TPR: variants seen among roughly 807,000 people sequenced by gnomAD.
The protein encoded by TPR is translocated promoter region, nuclear basket protein.
TPR carries 51 observed loss-of-function variants against 316.1 expected under a neutral mutation model. That is an observed-to-expected ratio of 0.16 (90% CI 0.13 to 0.20). The LOEUF is 0.20. Ranked by LOEUF, TPR falls within the 10% of genes least tolerant of loss-of-function variation. The probability of loss-of-function intolerance (pLI) is 1.00; values close to 1 mark genes in which losing one functional copy is unlikely to be tolerated. For missense variants in TPR, 2,272 were observed against 2,754.8 expected (o/e 0.82, Z 3.92); for synonymous variants, 981 against 914.7 (o/e 1.07, Z -1.31).
At position 186,347,258 on chromosome 1, in the gene TPR, T is replaced by C. The variant is rs749324014; in HGVS notation, c.2943+34A>G. The C allele has an allele frequency of 2.7e-5, 43 of 1,591,830 alleles. No individual in the cohort carries two copies. The East Asian group carries it at 7.6e-4, about 28-fold the overall frequency. On this transcript the variant is annotated intron_variant, in intron 22 of 50. Coordinates refer to ENST00000367478, the MANE Select transcript of TPR (RefSeq NM_003292.3). ...CTAAAAACAAAGTTAACAAATGTGTTGAGATTGAATTCTGAATTCAGAATT... is the reference window on the plus strand; with the variant it reads ...CTAAAAACAAAGTTAACAAATGTGTCGAGATTGAATTCTGAATTCAGAATT...
chr1:186,322,667 T>C, intron 43 of TPR, 81 bp from the exon 44 acceptor site: 1 of 1,373,030 alleles, frequency 7.3e-7, no homozygotes, highest in Non-Finnish European at 1.0e-6. Flanking sequence ...CAGATACAGC[T>C]TATTACGCTG....
rs771369688 is a variant in TPR at position 186,314,621 on chromosome 1, A to C, written c.7036+8T>G. ...CTATCATGTAATCCAGTTATGTCAG[A>C]AATTCACCTCTCTGTCTGTTAAACT... On this transcript the variant is annotated splice_region_variant and intron_variant, in intron 50 of 50. Coordinates refer to ENST00000367478, the MANE Select transcript of TPR (RefSeq NM_003292.3). 1.4e-5 allele frequency: 22 copies of C among 1,600,652 alleles called. No individual in the cohort carries two copies. The highest frequency in any genetic ancestry group is 1.7e-5 in the Admixed American group (1 of 58,194).
chr1:186,354,762 A>G (rs1244165919), intron 17 of TPR, among the ~76,000 whole-genome samples: 1 of 152,192 alleles, frequency 6.6e-6, no homozygotes, highest in Non-Finnish European at 1.5e-5. Flanking sequence ...TACCTAGAAT[A>G]GAAAAGGTGG....
chr1:186,342,290 T>C (rs1203215324), intron 27 of TPR: 2 of 152,048 alleles, frequency 1.3e-5, no homozygotes, highest in Non-Finnish European at 2.9e-5. Context: ...TTATTTTTTA[T>C]ATAATCTATG....
intron 15 of TPR, 145 bp downstream of exon 15, chr1:186,356,138 TTAC>T (rs2101979998): frequency 1.5e-6 from 1 of 678,148 alleles, no homozygotes; most frequent in Non-Finnish European, 2.3e-6. Flanking sequence ...ATGGTATGTT[TTAC>T]AGTTGATGGG....
At chr1:186,345,764 G>GC in intron 23 of TPR, 68 bp from the exon 24 acceptor site, 1 of 1,127,060 alleles carries the variant, frequency 8.9e-7, no homozygotes, top group Non-Finnish European at 1.3e-6. Flanking sequence ...CTGTATTGTA[G>GC]TGTTACTAAA....
At chr1:186,358,100 T>G (rs1659081850) in intron 13 of TPR, among the ~76,000 whole-genome samples, 1 of 152,180 alleles carries the variant, frequency 6.6e-6, no homozygotes, top group African/African-American at 2.4e-5. Context: ...ATTTATTGAT[T>G]TGCTTGTTAA....
intron 1 of TPR, among the ~76,000 whole-genome samples, chr1:186,373,679 T>C (rs1659599752): frequency 6.6e-6 from 1 of 151,962 alleles, no homozygotes; most frequent in Non-Finnish European, 1.5e-5. Flanking sequence ...AAATAAAAAA[T>C]AAAAATAAGG....
chr1:186,345,273 T>C (rs1231583647), intron 24 of TPR, among the ~76,000 whole-genome samples: 2 of 152,178 alleles, frequency 1.3e-5, no homozygotes, highest in Non-Finnish European at 2.9e-5. Flanking sequence ...ATCTGTAATT[T>C]TATAATCAGA....
At chr1:186,373,234 T>A in intron 2 of TPR, 125 bp downstream of exon 2, 2 of 606,374 alleles carry the variant, frequency 3.3e-6, no homozygotes, top group South Asian at 3.3e-5. Flanking sequence ...ATCACCATAA[T>A]AAAAACCAAT....
Position 186,327,213 on chromosome 1 carries a change from A to ATATATTTATATATATT in TPR, c.5889+246_5889+247insAATATATATAAATATA, listed in dbSNP as rs1658003568. Among the ~76,000 whole-genome samples, 14 of 36,366 alleles carry ATATATTTATATATATT rather than the reference A, an allele frequency of 3.8e-4. 3 individuals carry two copies. Among genetic ancestry groups the ATATATTTATATATATT allele is most frequent in the Non-Finnish European group, 5.1e-4 (11 of 21,500 alleles). 23.9% of individuals were successfully genotyped at this position (36,366 alleles called of 152,430 possible). On this transcript the variant is annotated intron_variant, in intron 40 of 50. Coordinates refer to ENST00000367478, the MANE Select transcript of TPR (RefSeq NM_003292.3). ...TATATTATATATTTATATATATAAT[A>ATATATTTATATATATT]TATATAAATATATAATATATATTTA...
At chr1:186,360,497 CAA>C in intron 10 of TPR, 133 bp from the exon 11 acceptor site, 1 of 995,952 alleles carries the variant, frequency 1.0e-6, no homozygotes, top group Non-Finnish European at 1.4e-6. Flanking sequence ...TACATGACAT[CAA>C]AAAGTCATGT....
rs763123659 is a variant in TPR, at chr1:186,343,312, C to T, written c.3750+14G>A. The T allele has an allele frequency of 1.2e-6, 2 of 1,607,346 alleles. No individual in the cohort carries two copies. The highest frequency in any genetic ancestry group is 2.2e-5 in the East Asian group (1 of 44,816). ...TGATTTAACAAGTGCTTTCTTAAAG[C>T]TTAGTATACCTACCTGGACTTTCTC... On this transcript the variant is annotated intron_variant, in intron 27 of 50. Transcript: ENST00000367478.
chr1:186,342,680 A>C (rs3766705), intron 27 of TPR: 21,399 of 152,232 alleles, frequency 0.14, 1,611 homozygotes, highest in Non-Finnish European at 0.16. Context: ...TAAATGTTTT[A>C]AGATCTTAAT....
In TPR at chr1:186,337,159, A is replaced by G. The variant is rs751561362; in HGVS notation, c.4363-3T>C. The stretch of plus-strand genomic sequence containing the variant: ...GACTGAGCCGATGTCTCCATAACCT[A>G]AGACAACAAACAGTAATAATACACT... On this transcript the variant is annotated splice_region_variant and splice_polypyrimidine_tract_variant and intron_variant, in intron 31 of 50. Coordinates refer to ENST00000367478, the MANE Select transcript of TPR (RefSeq NM_003292.3). 5.6e-6 allele frequency: 9 copies of G among 1,611,366 alleles called. No individual in the cohort carries two copies. The East Asian group carries it at 2.0e-4, about 36-fold the overall frequency.
chr1:186,329,106 T>C (rs926081098), intron 39 of TPR, among the ~76,000 whole-genome samples: 1 of 152,174 alleles, frequency 6.6e-6, no homozygotes, highest in African/African-American at 2.4e-5. Context: ...AAATGAACTG[T>C]TACACATTCA....
chr1:186,351,960 C>G lies in TPR; in HGVS notation c.2469+16G>C, dbSNP rs748891789. ...CTTTTATACATTTTTTCTACATAGG[C>G]TTTTTATTTGGTTACCTGAATTGTT... On this transcript the variant is annotated intron_variant, in intron 19 of 50. Transcript: ENST00000367478. 1.3e-6 allele frequency: 2 copies of G among 1,577,098 alleles called. No individual in the cohort carries two copies. The highest frequency in any genetic ancestry group is 4.0e-5 in the Admixed American group (2 of 49,956).
At position 186,368,920 on chromosome 1, in the gene TPR, C is replaced by T. The variant is rs538828326; in HGVS notation, c.331-938G>A. Among the ~76,000 whole-genome samples, 178 of 152,166 alleles carry T rather than the reference C, an allele frequency of 1.2e-3. No individual in the cohort carries two copies. The Middle Eastern group carries it at 0.014, about 12-fold the overall frequency. On this transcript the variant is annotated intron_variant, in intron 3 of 50. Transcript: ENST00000367478. ...TCTTTCATCCATCTTGGCTTGATTTCGGTATATGATGTAAGCAACACAAAC... is the reference window on the plus strand; with the variant it reads ...TCTTTCATCCATCTTGGCTTGATTTTGGTATATGATGTAAGCAACACAAAC...
At chr1:186,320,471 C>A in intron 45 of TPR, 53 bp from the exon 46 acceptor site, 3 of 1,459,772 alleles carry the variant, frequency 2.1e-6, no homozygotes, top group Non-Finnish European at 2.8e-6. Context: ...CCTATTTAAA[C>A]CACAATGGTG....
Sources: allele counts gnomAD v4.1 joint callset (sites outside exome capture counted in the v4.1 genomes callset), GRCh38; gene constraint gnomAD v4.1.1; transcripts MANE v1.5; gene names NCBI Gene and HGNC (gene_info 2026-07-23, HGNC 2026-07-21).